The following SIMC1 variants were observed in gnomAD, a reference collection of about 807,000 sequenced individuals.
SIMC1 encodes the protein SUMO-interacting motif-containing protein 1.
Under a neutral mutation model 82.3 loss-of-function variants are expected in SIMC1, and 55 were observed. The observed-to-expected ratio is 0.67, with a 90% CI of 0.54 to 0.84. The LOEUF (loss-of-function observed/expected upper bound fraction) is 0.84, where lower values mean the gene tolerates loss of function less well. Among genes scored for constraint, SIMC1 ranks in the 40% least tolerant of loss-of-function variants. The probability of loss-of-function intolerance (pLI) is 0.00; values close to 1 mark genes in which losing one functional copy is unlikely to be tolerated. For missense variants in SIMC1, 915 were observed against 1,107.2 expected (o/e 0.83, Z 2.46); for synonymous variants, 353 against 426.3 (o/e 0.83, Z 2.12).
intron 4 of SIMC1, among the ~76,000 whole-genome samples, chr5:176,301,540 G>T (rs1305480956): frequency 1.3e-5 from 2 of 152,144 alleles, no homozygotes; most frequent in African/African-American, 4.8e-5. Context: ...CACTTTGGGA[G>T]GCCAAGGTGG....
chr5:176,265,714 T>C (rs1183770972), intron 1 of SIMC1, among the ~76,000 whole-genome samples: 1 of 152,174 alleles, frequency 6.6e-6, no homozygotes, highest in African/African-American at 2.4e-5. Context: ...AATTAGATAA[T>C]TTGTTATCTG....
chr5:176,283,268 C>G (rs536309019), intron 1 of SIMC1, among the ~76,000 whole-genome samples: 2 of 152,300 alleles, frequency 1.3e-5, no homozygotes, highest in South Asian at 4.1e-4. Flanking sequence ...TAAGGGCAGC[C>G]AGAGAGAAAG....
At chr5:176,273,067 A>G (rs1762517076) in intron 1 of SIMC1, among the ~76,000 whole-genome samples, 1 of 152,224 alleles carries the variant, frequency 6.6e-6, no homozygotes, top group African/African-American at 2.4e-5. Flanking sequence ...CCTATCTGAC[A>G]GCTTTGAAGA....
intron 5 of SIMC1, among the ~76,000 whole-genome samples, chr5:176,316,513 C>CAAAAAAAAA (rs60873841): frequency 2.4e-5 from 3 of 122,638 alleles, no homozygotes; most frequent in Non-Finnish European, 3.4e-5. Flanking sequence ...CTAAAAAATA[C>CAAAAAAAAA]AAAAAAAAAA....
At chr5:176,247,991 C>T (rs888617107) in intron 1 of SIMC1, among the ~76,000 whole-genome samples, 22 of 151,852 alleles carry the variant, frequency 1.4e-4, no homozygotes, top group Admixed American at 1.4e-3. Context: ...CCAGTACCAT[C>T]CTGTTTTGGT....
Position 176,345,191 on chromosome 5 carries a change from A to C in SIMC1, c.2422A>C (p.Arg808=), listed in dbSNP as rs761381158. ...TTTTTTCCCTCTTGCAGAACACTTA[A>C]GGAGTTCCGTGATCGACCGAAAGGA... The part of the protein sequence containing the change: ...SYQHVLREHL[R]SSVIDRKDLI... The change falls in exon 10 of 10, where the codon AGG becomes CGG. Residue 808 remains arginine (R), a synonymous_variant. Coordinates refer to ENST00000429602, the MANE Select transcript of SIMC1 (RefSeq NM_001308195.2). 1.9e-6 allele frequency: 3 copies of C among 1,613,694 alleles called. No individual in the cohort carries two copies. Among genetic ancestry groups the C allele is most frequent in the Non-Finnish European group, 2.5e-6 (3 of 1,179,804 alleles).
At chr5:176,321,269 A>G (rs1765144626) in intron 5 of SIMC1, among the ~76,000 whole-genome samples, 1 of 152,048 alleles carries the variant, frequency 6.6e-6, no homozygotes, top group African/African-American at 2.4e-5. Context: ...ATTTGTCCAT[A>G]TTGTTGCCTG....
At position 176,345,555 on chromosome 5, in the gene SIMC1, A is replaced by C. The variant is rs939773534; in HGVS notation, c.*110A>C. 61 of 1,227,610 alleles carry C rather than the reference A, an allele frequency of 5.0e-5. No individual in the cohort carries two copies. The highest frequency in any genetic ancestry group is 6.4e-5 in the Non-Finnish European group (58 of 903,900). The allele number at this position is 1,227,610 out of a possible 1,614,324, so 76.0% of individuals were successfully genotyped here. ...TAAAATCTTACAGGACCAAACCTGC[A>C]TTATTTAATCAGTAGGTTGTAATTT... On this transcript the variant is annotated 3_prime_UTR_variant, in exon 10 of 10. Coordinates refer to ENST00000429602, the MANE Select transcript of SIMC1 (RefSeq NM_001308195.2).
chr5:176,329,298 C>T (rs543796585), intron 7 of SIMC1, among the ~76,000 whole-genome samples: 3 of 152,148 alleles, frequency 2.0e-5, no homozygotes, highest in East Asian at 3.9e-4. Flanking sequence ...GGTGAAACCC[C>T]GTCTCTTCTA....
chr5:176,256,122 A>G (rs1213163834), intron 1 of SIMC1, among the ~76,000 whole-genome samples: 3 of 152,216 alleles, frequency 2.0e-5, no homozygotes, highest in Non-Finnish European at 4.4e-5. Context: ...CTGATATTAG[A>G]GAAAGGAAGA....
intron 1 of SIMC1, chr5:176,261,246 A>G (rs922285336): frequency 2.0e-5 from 3 of 151,880 alleles, no homozygotes; most frequent in Non-Finnish European, 4.4e-5. Flanking sequence ...ACCTTAAGTG[A>G]TCCGCCCACC....
At chr5:176,287,409 CAT>C (rs1344862472) in intron 1 of SIMC1, among the ~76,000 whole-genome samples, 1 of 152,122 alleles carries the variant, frequency 6.6e-6, no homozygotes, top group Non-Finnish European at 1.5e-5. Context: ...TGTTCTCACT[CAT>C]AGGTGGGAAT....
intron 1 of SIMC1, among the ~76,000 whole-genome samples, chr5:176,257,344 G>A (rs982255247): frequency 3.3e-5 from 5 of 152,128 alleles, no homozygotes; most frequent in African/African-American, 9.7e-5. Context: ...AGAAATGCCT[G>A]AGACTGGGTA....
At chr5:176,245,952 A>T (rs924786734) in intron 1 of SIMC1, among the ~76,000 whole-genome samples, 6 of 150,912 alleles carry the variant, frequency 4.0e-5, no homozygotes, top group African/African-American at 1.5e-4. Flanking sequence ...TGTGGTACTT[A>T]TCAGGCATTT....
intron 1 of SIMC1, among the ~76,000 whole-genome samples, chr5:176,241,058 T>C (rs1267828705): frequency 1.3e-5 from 1 of 76,102 alleles, no homozygotes; most frequent in East Asian, 3.3e-4. Context: ...GAGAAAGCCA[T>C]GTCTAATGCT....
Position 176,293,880 on chromosome 5 carries a change from A to G in SIMC1, c.1432-1150A>G, listed in dbSNP as rs1246289269. On this transcript the variant is annotated intron_variant, in intron 2 of 9. Coordinates refer to ENST00000429602, the MANE Select transcript of SIMC1 (RefSeq NM_001308195.2). ...AAAATTGAAAAATATAGAAGAGCAC[A>G]TAGAGAAAAAATCACCACTAATTCT... Among the ~76,000 whole-genome samples the G allele has an allele frequency of 3.9e-5, 6 of 152,318 alleles. No individual in the cohort carries two copies. The East Asian group carries it at 1.2e-3, about 29-fold the overall frequency.
intron 5 of SIMC1, among the ~76,000 whole-genome samples, chr5:176,318,470 T>C (rs1366162115): frequency 6.6e-6 from 1 of 152,234 alleles, no homozygotes; most frequent in Non-Finnish European, 1.5e-5. Flanking sequence ...GTAGAATGTT[T>C]TGATCTCCTT....
chr5:176,295,302 G>T (rs747627899), intron 3 of SIMC1, 40 bp downstream of exon 3: 7 of 1,565,780 alleles, frequency 4.5e-6, no homozygotes, highest in Non-Finnish European at 6.1e-6. Context: ...AATCTTCTAG[G>T]GATCTTGGAC....
chr5:176,333,612 T>G (rs557030643), intron 7 of SIMC1, among the ~76,000 whole-genome samples: 1 of 152,234 alleles, frequency 6.6e-6, no homozygotes, highest in African/African-American at 2.4e-5. Context: ...GTATTTTTAG[T>G]AGAGACGGGG....
Sources: gnomAD v4.1 joint callset for allele counts (sites outside exome capture counted in the v4.1 genomes callset) on GRCh38, gnomAD v4.1.1 for gene constraint, MANE v1.5 for transcripts, NCBI Gene and HGNC (gene_info 2026-07-23, HGNC 2026-07-21) for gene names.